Variants in PYGL observed in about 807,000 individuals in gnomAD.
PYGL encodes the protein glycogen phosphorylase, liver form.
In PYGL, 90 loss-of-function variants were observed where a neutral mutation model predicts 100.1. The observed-to-expected ratio is 0.90, with a 90% confidence interval of 0.76 to 1.07. The LOEUF (loss-of-function observed/expected upper bound fraction) is 1.07, where lower values mean the gene tolerates loss of function less well. Ranked by LOEUF, PYGL falls within the 50% of genes least tolerant of loss-of-function variation. The pLI, the probability that PYGL is intolerant of heterozygous loss-of-function variation, is 0.00. For synonymous variants in PYGL, 373 were observed against 393.0 expected (o/e 0.95, Z 0.60); for missense variants, 1,016 against 1,057.6 (o/e 0.96, Z 0.55).
rs202149628 is a variant in PYGL at position 50,914,756 on chromosome 14, G to C, written c.1463C>G (p.Thr488Ser). The C allele has an allele frequency of 5.0e-6, 8 of 1,614,086 alleles. No individual in the cohort carries two copies. In the East Asian group the frequency reaches 6.7e-5, roughly 13 times the overall value. ...GCAGAGTAGGAGCCAGCGCCTTGGA[G>C]TGATCCCATTGGTTTTATTCTGAAA... ...DKFQNKTNGI[T>S]PRRWLLLCNP... Residue 488 changes from threonine (T) to serine (S), a missense_variant, in exon 12 of 20, where the codon ACT (threonine) becomes AGT (serine). Thr to Ser is a moderately conservative substitution (Grantham distance 58). Coordinates refer to ENST00000216392, the MANE Select transcript of PYGL (RefSeq NM_002863.5).
rs778395563 is a variant in PYGL, at chr14:50,937,728, C to CA, written c.345+7dup. 1 of 1,605,164 alleles carries CA rather than the reference C, an allele frequency of 6.2e-7. No individual in the cohort carries two copies. Among genetic ancestry groups the CA allele is most frequent in the East Asian group, 2.2e-5 (1 of 44,846 alleles). ...AGACAGGATGAGAGAAATCTAGGAA[C>CA]AATGTACCTGGTAAATGGCCTCATC... On this transcript the variant is annotated splice_region_variant and intron_variant, in intron 2 of 19. Transcript: ENST00000216392.
At chr14:50,914,355 G>A (rs945574881) in intron 12 of PYGL, among the ~76,000 whole-genome samples, 3 of 152,066 alleles carry the variant, frequency 2.0e-5, no homozygotes, top group Non-Finnish European at 4.4e-5. Flanking sequence ...AAATTAGCTG[G>A]GCATTGTGAT....
rs1243371310 is a variant in PYGL, at chr14:50,914,815, T to C, written c.1404A>G (p.Val468=). Reference sequence around the variant, plus strand: ...GTTCTAGCTCACTGAAGTCCTTGAATCTGGAGATGGAGGAGACACATCACT... The same window carrying C: ...GTTCTAGCTCACTGAAGTCCTTGAACCTGGAGATGGAGGAGACACATCACT... ...KIHSDIVKTK[V]FKDFSELEPD... is the part of the protein sequence containing the mutation. The change falls in exon 12 of 20, where the codon GTA becomes GTG. Residue 468 remains valine (V), a splice_region_variant and synonymous_variant. Coordinates refer to ENST00000216392, the MANE Select transcript of PYGL (RefSeq NM_002863.5). The C allele has an allele frequency of 1.2e-6, 2 of 1,608,326 alleles. No homozygotes were observed. The highest frequency in any genetic ancestry group is 3.3e-5 in the Admixed American group (2 of 60,004).
chr14:50,937,925 A>G (rs1299187721), intron 1 of PYGL, 88 bp from the exon 2 acceptor site: 10 of 1,189,278 alleles, frequency 8.4e-6, no homozygotes, highest in Admixed American at 1.8e-5. Flanking sequence ...TAGGTCACCA[A>G]TAAGAAACAA....
At chr14:50,930,634 G>C (rs1395715327) in intron 4 of PYGL, among the ~76,000 whole-genome samples, 1 of 152,136 alleles carries the variant, frequency 6.6e-6, no homozygotes, top group African/African-American at 2.4e-5. Context: ...AAATACTGAG[G>C]GAGGGGAAAG....
At chr14:50,939,289 G>C (rs956912551) in intron 1 of PYGL, among the ~76,000 whole-genome samples, 1 of 152,160 alleles carries the variant, frequency 6.6e-6, no homozygotes, top group Non-Finnish European at 1.5e-5. Flanking sequence ...TGCCTGCCTT[G>C]GCCTCCCAAA....
rs1268998660 is a variant in PYGL at position 50,916,644 on chromosome 14, T to C, written c.1090A>G (p.Lys364Glu). The C allele has an allele frequency of 1.9e-6, 3 of 1,610,818 alleles. No homozygotes were observed. Among genetic ancestry groups the C allele is most frequent in the Non-Finnish European group, 2.5e-6 (3 of 1,176,992 alleles). The stretch of plus-strand genomic sequence containing the variant: ...AAAAGAAGCCAAACTATCCAGACCT[T>C]GGACCAGGGCAGTTTTTCAATATCC... Reference protein sequence around the residue: ...FVDIEKLPWSKAWELTQKTFA... With the variant: ...FVDIEKLPWSEAWELTQKTFA... Residue 364 changes from lysine to glutamate, a missense_variant and splice_region_variant, in exon 9 of 20, where the codon AAG becomes GAG. Coordinates refer to ENST00000216392, the MANE Select transcript of PYGL (RefSeq NM_002863.5).
chr14:50,912,193 C>G lies in PYGL; in HGVS notation c.1731G>C (p.Gln577His), dbSNP rs368171220. The stretch of plus-strand genomic sequence containing the variant: ...TGATCACATGCAGACAGTTCAAGAG[C>G]TGTCGCTTGTACTCATGTATCCTCT... ...QVKRIHEYKRQLLNCLHVITM... is the reference protein window; with the variant it reads ...QVKRIHEYKRHLLNCLHVITM... Residue 577 changes from glutamine (Q) to histidine (H), a missense_variant, in exon 14 of 20, where the codon CAG becomes CAC. Transcript: ENST00000216392. The G allele has an allele frequency of 2.8e-5, 45 of 1,614,078 alleles. No homozygotes were observed. Among genetic ancestry groups the G allele is most frequent in the Middle Eastern group, 1.6e-4 (1 of 6,082 alleles).
intron 3 of PYGL, among the ~76,000 whole-genome samples, 159 bp downstream of exon 3, chr14:50,934,948 A>G (rs1291903442): frequency 3.9e-5 from 6 of 152,230 alleles, no homozygotes; most frequent in Non-Finnish European, 4.4e-5. Context: ...AGAATTGATC[A>G]AACCAAAGTG....
chr14:50,913,095 C>G lies in PYGL; in HGVS notation c.1554G>C (p.Gln518His). 2 of 1,614,002 alleles carry G rather than the reference C, an allele frequency of 1.2e-6. No individual in the cohort carries two copies. Among genetic ancestry groups the G allele is most frequent in the South Asian group, 1.1e-5 (1 of 91,084 alleles). ...IGEDYVKDLS[Q>H]LTKLHSFLGD... Reference sequence around the variant, plus strand: ...CCAGGAAGCTGTGGAGCTTCGTCAGCTGGCTCAGGTCTTTCACATAGTCTT... The same window carrying G: ...CCAGGAAGCTGTGGAGCTTCGTCAGGTGGCTCAGGTCTTTCACATAGTCTT... Residue 518 changes from glutamine to histidine, a missense_variant, in exon 13 of 20, where the codon CAG becomes CAC. Gln to His is a conservative substitution (Grantham distance 24, BLOSUM62 0). Coordinates refer to ENST00000216392, the MANE Select transcript of PYGL (RefSeq NM_002863.5).
chr14:50,910,428 C>G (rs746294850), intron 16 of PYGL, among the ~76,000 whole-genome samples: 1 of 151,944 alleles, frequency 6.6e-6, no homozygotes, highest in Non-Finnish European at 1.5e-5. Flanking sequence ...ATTTCTTCTA[C>G]TTTATAAAAT....
rs768099306 is a variant in PYGL at position 50,931,780 on chromosome 14, C to T, written c.425-4G>A. ...GCCATGGAATCCAAGAAGCAGGCTA[C>T]ATTCAACAGAGCACAGGCAAAAGAT... On this transcript the variant is annotated splice_region_variant and splice_polypyrimidine_tract_variant and intron_variant, in intron 3 of 19. Transcript: ENST00000216392. 6.8e-6 allele frequency: 11 copies of T among 1,612,628 alleles called. No individual in the cohort carries two copies. The highest frequency in any genetic ancestry group is 1.7e-5 in the Admixed American group (1 of 59,970).
At chr14:50,908,136 GTTGTTTTTT>G in intron 19 of PYGL, 126 bp downstream of exon 19, 1 of 553,314 alleles carries the variant, frequency 1.8e-6, no homozygotes, top group Non-Finnish European at 3.0e-6. Context: ...GTTTGTTTTT[GTTGTTTTTT>G]TTTTGATTGC....
intron 1 of PYGL, among the ~76,000 whole-genome samples, chr14:50,940,786 A>G (rs1387888057): frequency 2.0e-5 from 3 of 152,272 alleles, no homozygotes; most frequent in Non-Finnish European, 4.4e-5. Context: ...AATAAAATAA[A>G]GAAGATATAA....
intron 19 of PYGL, among the ~76,000 whole-genome samples, chr14:50,905,829 A>G (rs984385894): frequency 1.3e-5 from 2 of 152,242 alleles, no homozygotes; most frequent in African/African-American, 4.8e-5. Context: ...AATTCCTGCT[A>G]TGGTTACAAT....
Position 50,905,333 on chromosome 14 carries a change from T to C in PYGL, c.*59A>G. ...AGCTAACAAAACAAAAACCAGTGAA[T>C]GTTGTAAAAATGTTCAAGTTCAGTA... On this transcript the variant is annotated 3_prime_UTR_variant, in exon 20 of 20. Transcript: ENST00000216392. 1 of 1,517,900 alleles carries C rather than the reference T, an allele frequency of 6.6e-7. No individual in the cohort carries two copies. Among genetic ancestry groups the C allele is most frequent in the Admixed American group, 1.7e-5 (1 of 59,350 alleles). The allele number at this position is 1,517,900 out of a possible 1,614,324, so 94.0% of individuals were successfully genotyped here.
intron 1 of PYGL, among the ~76,000 whole-genome samples, chr14:50,939,824 G>A (rs1466298017): frequency 6.6e-6 from 1 of 151,942 alleles, no homozygotes; most frequent in East Asian, 1.9e-4. Context: ...TATAATAAAG[G>A]CGTATTATCA....
intron 4 of PYGL, among the ~76,000 whole-genome samples, chr14:50,927,762 C>T (rs8022952): frequency 0.29 from 44,620 of 152,056 alleles, 7,147 homozygotes; most frequent in East Asian, 0.56. Flanking sequence ...GAGAAACAAG[C>T]GTTTCATAAC....
At chr14:50,916,579 G>T in intron 9 of PYGL, 63 bp downstream of exon 9, 1 of 1,407,332 alleles carries the variant, frequency 7.1e-7, no homozygotes, top group South Asian at 1.2e-5. Flanking sequence ...GGGAGTTTTT[G>T]GCAGTCTTTC....
Sources: allele counts gnomAD v4.1 joint callset (sites outside exome capture counted in the v4.1 genomes callset), GRCh38; gene constraint gnomAD v4.1.1; transcripts MANE v1.5; gene names NCBI Gene and HGNC (gene_info 2026-07-23, HGNC 2026-07-21).